CSMD1: variants seen among roughly 807,000 people sequenced by gnomAD.
CSMD1 encodes the protein CUB and sushi domain-containing protein 1.
CSMD1 carries 213 observed loss-of-function variants against 417.5 expected under a neutral mutation model. That is an observed-to-expected ratio of 0.51 (90% CI 0.46 to 0.57). The LOEUF (loss-of-function observed/expected upper bound fraction) is 0.57. Among genes scored for constraint, CSMD1 ranks in the 20% least tolerant of loss-of-function variants. The pLI is 0.00. For synonymous variants in CSMD1, 2,862 were observed against 1,736.8 expected (o/e 1.65, Z -16.11); for missense variants, 6,923 against 4,529.7 (o/e 1.53, Z -15.17).
chr8:4,617,737 G>T (rs150999588), intron 2 of CSMD1, among the ~76,000 whole-genome samples: 2 of 152,006 alleles, frequency 1.3e-5, no homozygotes, highest in African/African-American at 4.8e-5. Flanking sequence ...CCAACACCTT[G>T]TTTAATTTCC....
At chr8:3,873,617 C>G (rs908374547) in intron 5 of CSMD1, among the ~76,000 whole-genome samples, 3 of 151,986 alleles carry the variant, frequency 2.0e-5, no homozygotes, top group Admixed American at 6.6e-5. Context: ...GGCATAATAC[C>G]TGAGTGGTGA....
At chr8:3,382,924 A>C (rs1810729452) in intron 18 of CSMD1, among the ~76,000 whole-genome samples, 1 of 152,152 alleles carries the variant, frequency 6.6e-6, no homozygotes, top group South Asian at 2.1e-4. Context: ...TCTCAAAAAA[A>C]CCCAAAACTA....
chr8:3,522,315 G>A (rs922215705), intron 10 of CSMD1, among the ~76,000 whole-genome samples: 1 of 152,172 alleles, frequency 6.6e-6, no homozygotes, highest in Non-Finnish European at 1.5e-5. Flanking sequence ...AAAAAGAGGA[G>A]AGGAAATTGT....
At chr8:4,902,174 A>C (rs1804918431) in intron 1 of CSMD1, among the ~76,000 whole-genome samples, 2 of 152,148 alleles carry the variant, frequency 1.3e-5, no homozygotes, top group African/African-American at 4.8e-5. Flanking sequence ...TTTTGGGAGA[A>C]CAAGATGGAA....
chr8:4,812,819 T>C (rs1798985607), intron 1 of CSMD1, among the ~76,000 whole-genome samples: 1 of 152,242 alleles, frequency 6.6e-6, no homozygotes. Flanking sequence ...ACATTTCTAA[T>C]ACTCCACTTT....
chr8:3,046,664 C>T (rs902533564), intron 50 of CSMD1, among the ~76,000 whole-genome samples: 2 of 152,132 alleles, frequency 1.3e-5, no homozygotes, highest in African/African-American at 4.8e-5. Flanking sequence ...GCTGCCTTTT[C>T]CTGATGCCCA....
At chr8:3,954,903 T>C (rs1006497804) in intron 5 of CSMD1, among the ~76,000 whole-genome samples, 3 of 152,216 alleles carry the variant, frequency 2.0e-5, no homozygotes, top group Admixed American at 6.5e-5. Context: ...TGGAAACTCA[T>C]GCTCCTCCAT....
chr8:4,296,543 T>A (rs920827626), intron 3 of CSMD1, among the ~76,000 whole-genome samples: 6 of 152,126 alleles, frequency 3.9e-5, no homozygotes, highest in South Asian at 2.1e-4. Flanking sequence ...CATTATTCAC[T>A]ACTCATAATT....
chr8:4,426,891 G>C (rs1275489784), intron 2 of CSMD1, among the ~76,000 whole-genome samples: 1 of 151,722 alleles, frequency 6.6e-6, no homozygotes, highest in Non-Finnish European at 1.5e-5. Flanking sequence ...ATTAGTATCA[G>C]ATGTCAGGTG....
intron 5 of CSMD1, among the ~76,000 whole-genome samples, chr8:3,966,240 C>G (rs1812671531): frequency 6.6e-6 from 1 of 152,108 alleles, no homozygotes; most frequent in Non-Finnish European, 1.5e-5. Flanking sequence ...GATTTCCGCC[C>G]ATATTTAATC....
In CSMD1 at chr8:4,615,675, T is replaced by A. The variant is rs143344635; in HGVS notation, c.302+21667A>T. Among the ~76,000 whole-genome samples, 468 of 152,326 alleles carry A rather than the reference T, an allele frequency of 3.1e-3. 4 individuals are homozygous for A. The highest frequency in any genetic ancestry group is 0.011 in the African/African-American group (439 of 41,560). ...GTGAGTGTAAGGTGTTATTTCCTTA[T>A]ACCATCTTGTGCACATAAACTGTTC... On this transcript the variant is annotated intron_variant, in intron 2 of 69. Transcript: ENST00000635120.
At chr8:3,276,889 G>A (rs759346319) in intron 26 of CSMD1, among the ~76,000 whole-genome samples, 1 of 152,110 alleles carries the variant, frequency 6.6e-6, no homozygotes, top group Non-Finnish European at 1.5e-5. Flanking sequence ...AAGACCATCT[G>A]CCCTCAAGTA....
intron 49 of CSMD1, among the ~76,000 whole-genome samples, chr8:3,058,528 G>A (rs952963720): frequency 2.0e-5 from 3 of 152,074 alleles, no homozygotes; most frequent in African/African-American, 7.2e-5. Context: ...CAACATATAA[G>A]GTGCTAAGAC....
intron 54 of CSMD1, among the ~76,000 whole-genome samples, chr8:2,986,343 TG>T (rs1200042809): frequency 6.6e-6 from 1 of 152,118 alleles, no homozygotes; most frequent in Non-Finnish European, 1.5e-5. Context: ...AGAAAACTGC[TG>T]TTCTCCCAGG....
chr8:3,266,690 G>A (rs933565279), intron 26 of CSMD1, among the ~76,000 whole-genome samples: 26 of 145,420 alleles, frequency 1.8e-4, no homozygotes, highest in East Asian at 2.1e-4. Flanking sequence ...CAGGAGAACC[G>A]CTTGAACCCA....
intron 5 of CSMD1, among the ~76,000 whole-genome samples, chr8:3,985,900 C>A (rs1298341101): frequency 6.6e-6 from 1 of 150,998 alleles, no homozygotes; most frequent in African/African-American, 2.4e-5. Flanking sequence ...TGCACTCTTA[C>A]TTTGAACATT....
At chr8:3,511,345 G>T (rs1293084348) in intron 10 of CSMD1, among the ~76,000 whole-genome samples, 2 of 150,646 alleles carry the variant, frequency 1.3e-5, no homozygotes, top group Non-Finnish European at 2.9e-5. Context: ...AAACCTGCAC[G>T]TTCTGCACAT....
intron 3 of CSMD1, among the ~76,000 whole-genome samples, chr8:4,241,706 T>C (rs1320301401): frequency 1.0e-5 from 1 of 96,440 alleles, no homozygotes; most frequent in Non-Finnish European, 2.1e-5. Context: ...GATTTTTTTT[T>C]TCTTTTTTTT....
chr8:4,310,853 C>G (rs1354818690), intron 3 of CSMD1, among the ~76,000 whole-genome samples: 1 of 152,108 alleles, frequency 6.6e-6, no homozygotes, highest in Non-Finnish European at 1.5e-5. Flanking sequence ...AAAGAAATGC[C>G]TTCTTCTCAA....
Sources: gnomAD v4.1 joint callset for allele counts (sites outside exome capture counted in the v4.1 genomes callset) on GRCh38, gnomAD v4.1.1 for gene constraint, MANE v1.5 for transcripts, NCBI Gene and HGNC (gene_info 2026-07-23, HGNC 2026-07-21) for gene names.